The following INPP5K variants were observed in gnomAD, a reference collection of about 807,000 sequenced individuals.
INPP5K encodes inositol polyphosphate-5-phosphatase K.
INPP5K carries 35 observed loss-of-function variants against 53.5 expected under a neutral mutation model. The ratio of observed to expected loss-of-function variants is 0.65; its 90% confidence interval spans 0.50 to 0.87. The LOEUF (loss-of-function observed/expected upper bound fraction) is 0.87, where lower values mean the gene tolerates loss of function less well. INPP5K is among the 40% of genes least tolerant of loss of function. The pLI is 0.00. For synonymous variants in INPP5K, 253 were observed against 232.8 expected, an observed-to-expected ratio of 1.09 and a Z score of -0.79; for missense variants, 550 against 586.2, an observed-to-expected ratio of 0.94 and a Z score of 0.64.
In INPP5K at chr17:1,508,338, A is replaced by T. The variant is rs559686338; in HGVS notation, c.555-112T>A. On this transcript the variant is annotated intron_variant, in intron 5 of 11. Transcript: ENST00000421807. ...GGGCTGCTGGGGCACAGAAAACCTG[A>T]GGGGCAAGTGAGACGCCAGGGCACG... 1.6e-5 allele frequency: 13 copies of T among 816,728 alleles called. No homozygotes were observed. The African/African-American group carries it at 2.0e-4, about 13-fold the overall frequency. The allele number at this position is 816,728 out of a possible 1,614,324, so 50.6% of individuals were successfully genotyped here. A position where few individuals can be genotyped will look rare whatever the true frequency, so the allele number is the denominator to read the frequency against.
intron 7 of INPP5K, among the ~76,000 whole-genome samples, chr17:1,506,510 T>C (rs1430681982): frequency 6.6e-6 from 1 of 152,162 alleles, no homozygotes; most frequent in Non-Finnish European, 1.5e-5. Flanking sequence ...ACTCATGATC[T>C]CTACACTGAT....
rs111416616 is a variant in INPP5K at position 1,508,978 on chromosome 17, A to G, written c.554+200T>C. On this transcript the variant is annotated intron_variant, in intron 5 of 11. Transcript: ENST00000421807. ...CAGCGTGGGGCAGAGGGCGGGGAAC[A>G]GTCTGCAGACCCAGGCTCACTCGTG... 5.5e-3 allele frequency: 2,482 copies of G among 448,630 alleles called. 100 individuals are homozygous for G. Among genetic ancestry groups the G allele is most frequent in the African/African-American group, 0.035 (837 of 23,708 alleles). The allele number at this position is 448,630 out of a possible 1,614,324, so 27.8% of individuals were successfully genotyped here.
chr17:1,514,405 G>A (rs528478956), intron 1 of INPP5K, among the ~76,000 whole-genome samples: 1 of 152,200 alleles, frequency 6.6e-6, no homozygotes, highest in Non-Finnish European at 1.5e-5. Flanking sequence ...TGGGAAATGT[G>A]GGTTTCTGTG....
chr17:1,513,692 G>A, intron 2 of INPP5K, 131 bp from the exon 3 acceptor site: 1 of 928,462 alleles, frequency 1.1e-6, no homozygotes, highest in East Asian at 2.4e-5. Flanking sequence ...TCCCCTGCCT[G>A]CTGATCTCCA....
rs945094983 is a variant in INPP5K, at chr17:1,511,172, C to T, written c.262-1373G>A. The stretch of plus-strand genomic sequence containing the variant: ...GGCTAGGGAGAATAGCTAACATCTG[C>T]TCAAGTGCCTCCTCTCTCATTTACT... On this transcript the variant is annotated intron_variant, in intron 3 of 11. Transcript: ENST00000421807. Among the ~76,000 whole-genome samples the T allele has an allele frequency of 4.6e-5, 7 of 152,190 alleles. 1 individual carries two copies. Among genetic ancestry groups the T allele is most frequent in the African/African-American group, 1.7e-4 (7 of 41,440 alleles).
At chr17:1,502,181 C>A (rs1279226522) in intron 7 of INPP5K, among the ~76,000 whole-genome samples, 1 of 151,398 alleles carries the variant, frequency 6.6e-6, no homozygotes, top group Non-Finnish European at 1.5e-5. Flanking sequence ...AACCCCGTCT[C>A]TACTAAAAAT....
chr17:1,508,545 C>A (rs1222366158), intron 5 of INPP5K: 2 of 370,902 alleles, frequency 5.4e-6, no homozygotes, highest in Non-Finnish European at 1.0e-5. Flanking sequence ...AGGTCCTTGA[C>A]CTGTTCCCAA....
Position 1,498,074 on chromosome 17 carries a change from C to G in INPP5K, c.825G>C (p.Leu275=). 1 of 1,613,932 alleles carries G rather than the reference C, an allele frequency of 6.2e-7. No homozygotes were observed. ...PAWTDRILWR[L]KRQPCAGPDT... is the part of the protein sequence containing the mutation. Reference sequence around the variant, plus strand: ...CGGGGCCAGCACAGGGCTGCCGCTTCAGCCTCCACAGGATGCGATCGGTCC... The same window carrying G: ...CGGGGCCAGCACAGGGCTGCCGCTTGAGCCTCCACAGGATGCGATCGGTCC... Residue 275 remains leucine (L), a synonymous_variant, in exon 8 of 12, where the codon CTG becomes CTC. Coordinates refer to ENST00000421807, the MANE Select transcript of INPP5K (RefSeq NM_016532.4).
At chr17:1,496,549 G>T in intron 9 of INPP5K, 117 bp downstream of exon 9, 3 of 1,437,722 alleles carry the variant, frequency 2.1e-6, no homozygotes, top group African/African-American at 1.4e-5. Context: ...AGCTACAGAA[G>T]AACCGCTGGG....
rs937551353 is a variant in INPP5K, at chr17:1,515,916, A to T, written c.44+540T>A. 8.1e-6 allele frequency: 8 copies of T among 986,960 alleles called. No homozygotes were observed. In the African/African-American group the frequency reaches 1.4e-4, roughly 17 times the overall value. 61.1% of individuals were successfully genotyped at this position (986,960 alleles called of 1,614,324 possible). On this transcript the variant is annotated intron_variant, in intron 1 of 11. Transcript: ENST00000421807. ...AAGAGGATGGAGAGCAAAAGTCCGG[A>T]TTTCTTGTTCCCACTCTCAAATCCG...
intron 5 of INPP5K, 82 bp downstream of exon 5, chr17:1,509,096 C>T (rs2075240118): frequency 8.2e-7 from 1 of 1,212,708 alleles, no homozygotes; most frequent in Admixed American, 2.2e-5. Flanking sequence ...GAGCGGTCTG[C>T]AGACCCAGGC....
At position 1,516,551 on chromosome 17, in the gene INPP5K, G is replaced by A. The variant is rs1198219715; in HGVS notation, c.-52C>T. The A allele has an allele frequency of 1.3e-6, 2 of 1,520,326 alleles. No homozygotes were observed. The highest frequency in any genetic ancestry group is 2.0e-5 in the Admixed American group (1 of 50,162). 94.2% of individuals were successfully genotyped at this position (1,520,326 alleles called of 1,614,324 possible). A position where few individuals can be genotyped will look rare whatever the true frequency, so the allele number is the denominator to read the frequency against. On this transcript the variant is annotated 5_prime_UTR_variant, in exon 1 of 12. Transcript: ENST00000421807. ...CCGGCAGGTTCGCGTCTCCCGGCCA[G>A]CGGGTCCCGGCCAGAGCAGCCCTGC...
At chr17:1,496,997 G>A (rs915272940) in intron 8 of INPP5K, among the ~76,000 whole-genome samples, 194 bp from the exon 9 acceptor site, 1 of 152,210 alleles carries the variant, frequency 6.6e-6, no homozygotes, top group Non-Finnish European at 1.5e-5. Flanking sequence ...ACCAGTCGGC[G>A]GGTGGCTGGC....
At chr17:1,503,580 G>A (rs1436696004) in intron 7 of INPP5K, among the ~76,000 whole-genome samples, 1 of 152,058 alleles carries the variant, frequency 6.6e-6, no homozygotes, top group Non-Finnish European at 1.5e-5. Flanking sequence ...GCCAGGCATG[G>A]TGGCGGGTGC....
At chr17:1,507,199 A>G in intron 6 of INPP5K, 110 bp from the exon 7 acceptor site, 1 of 737,390 alleles carries the variant, frequency 1.4e-6, no homozygotes, top group East Asian at 2.7e-5. Context: ...GCAAGAGTCA[A>G]GCAATGCCAC....
At chr17:1,499,162 A>G (rs762513970) in intron 7 of INPP5K, among the ~76,000 whole-genome samples, 5 of 152,240 alleles carry the variant, frequency 3.3e-5, no homozygotes, top group African/African-American at 4.8e-5. Flanking sequence ...TGTTTAGCAC[A>G]GTGCTTGGTG....
At chr17:1,516,296 G>T (rs1394050843) in intron 1 of INPP5K, among the ~76,000 whole-genome samples, 160 bp downstream of exon 1, 1 of 152,224 alleles carries the variant, frequency 6.6e-6, no homozygotes, top group Non-Finnish European at 1.5e-5. Context: ...CGAGGCTCGG[G>T]CCCAACACAG....
In INPP5K at chr17:1,496,361, C is replaced by A; in HGVS notation, c.1143G>T (p.Trp381Cys). ...TGCAGGAGACCTTGCTGTCCCCGAC[C>A]CAGGCATAGGACACGTAGTCATTAA... is the stretch of plus-strand genomic sequence containing the variant. ...RDVNDYVSYA[W>C]VGDSKVSCSD... The change falls in exon 10 of 12, where the codon TGG (tryptophan) becomes TGT (cysteine). Residue 381 changes from tryptophan to cysteine, a missense_variant. Physicochemically the swap from Trp to Cys is radical, Grantham distance 215. Transcript: ENST00000421807. 1 of 1,564,774 alleles carries A rather than the reference C, an allele frequency of 6.4e-7. No individual in the cohort carries two copies. Among genetic ancestry groups the A allele is most frequent in the Non-Finnish European group, 8.7e-7 (1 of 1,154,138 alleles).
In INPP5K at chr17:1,497,960, A is replaced by G. The variant is rs752587603; in HGVS notation, c.939T>C (p.Pro313=). The G allele has an allele frequency of 6.2e-7, 1 of 1,613,852 alleles. No homozygotes were observed. The highest frequency in any genetic ancestry group is 1.7e-4 in the Middle Eastern group (1 of 6,056). Residue 313 remains proline, a synonymous_variant, in exon 8 of 12, where the codon CCT becomes CCC. Coordinates refer to ENST00000421807, the MANE Select transcript of INPP5K (RefSeq NM_016532.4). ...CCTCCAAGTCGAACGTGCCGGAGAC[A>G]GGCTTGTGGTCGCTGATGCCGTACG... ...HMTYGISDHK[P]VSGTFDLELK... is the part of the protein sequence containing the mutation.
Sources: gnomAD v4.1 joint callset for allele counts (sites outside exome capture counted in the v4.1 genomes callset) on GRCh38, gnomAD v4.1.1 for gene constraint, MANE v1.5 for transcripts, NCBI Gene and HGNC (gene_info 2026-07-23, HGNC 2026-07-21) for gene names.